The following MACROD2 variants were observed in gnomAD, a reference collection of about 807,000 sequenced individuals.
The protein encoded by MACROD2 is mono-ADP ribosylhydrolase 2.
Under a neutral mutation model 70.4 loss-of-function variants are expected in MACROD2, and 36 were observed. The ratio of observed to expected loss-of-function variants is 0.51; its 90% CI spans 0.39 to 0.68. The LOEUF is 0.68. MACROD2 is among the 30% of genes least tolerant of loss of function. MACROD2 has a pLI of 0.00. For synonymous variants in MACROD2, 172 were observed against 178.8 expected (o/e 0.96, Z 0.30); for missense variants, 496 against 538.4 (o/e 0.92, Z 0.78).
intron 4 of MACROD2, among the ~76,000 whole-genome samples, chr20:14,574,138 G>T (rs1427995472): frequency 6.6e-6 from 1 of 152,166 alleles, no homozygotes; most frequent in Non-Finnish European, 1.5e-5. Context: ...TGGTGGTCAG[G>T]TGCCAGGTCT....
At chr20:15,756,602 G>A (rs2146990019) in intron 8 of MACROD2, among the ~76,000 whole-genome samples, 1 of 152,220 alleles carries the variant, frequency 6.6e-6, no homozygotes, top group South Asian at 2.1e-4. Flanking sequence ...ATAAAATGGG[G>A]GTGGGTAGGT....
chr20:15,886,747 A>G (rs1473730421), intron 10 of MACROD2, among the ~76,000 whole-genome samples: 6 of 152,096 alleles, frequency 3.9e-5, no homozygotes, highest in Non-Finnish European at 8.8e-5. Flanking sequence ...AGCTCTATCA[A>G]TTATTGACCT....
At chr20:14,958,219 A>G (rs1337801734) in intron 5 of MACROD2, among the ~76,000 whole-genome samples, 1 of 152,190 alleles carries the variant, frequency 6.6e-6, no homozygotes, top group Non-Finnish European at 1.5e-5. Flanking sequence ...CAACAAATTT[A>G]TGTGGTATTA....
chr20:14,659,384 A>G (rs1050725269), intron 4 of MACROD2, among the ~76,000 whole-genome samples: 1 of 152,158 alleles, frequency 6.6e-6, no homozygotes, highest in African/African-American at 2.4e-5. Context: ...GTCTTGTAGC[A>G]ATATAATAAT....
intron 5 of MACROD2, among the ~76,000 whole-genome samples, chr20:14,715,822 G>A (rs1483609417): frequency 6.6e-6 from 1 of 152,116 alleles, no homozygotes; most frequent in Non-Finnish European, 1.5e-5. Flanking sequence ...ATTACATTTG[G>A]GAGTCATACA....
chr20:14,344,822 T>C (rs1223458721), intron 3 of MACROD2, among the ~76,000 whole-genome samples: 2 of 152,262 alleles, frequency 1.3e-5, no homozygotes, highest in Non-Finnish European at 2.9e-5. Context: ...AGGAGCTTTT[T>C]GGTTGTTTAA....
intron 2 of MACROD2, among the ~76,000 whole-genome samples, chr20:14,081,119 C>A (rs1422719024): frequency 6.6e-6 from 1 of 152,184 alleles, no homozygotes; most frequent in Non-Finnish European, 1.5e-5. Context: ...AAATCTCTTA[C>A]CCTTGATATC....
intron 8 of MACROD2, among the ~76,000 whole-genome samples, chr20:15,538,154 A>T (rs1190437079): frequency 6.6e-6 from 1 of 152,242 alleles, no homozygotes; most frequent in Non-Finnish European, 1.5e-5. Context: ...AAGGAAAAAG[A>T]AAAACAACTT....
intron 15 of MACROD2, among the ~76,000 whole-genome samples, chr20:16,021,391 G>A (rs1482063384): frequency 1.3e-5 from 2 of 152,194 alleles, no homozygotes; most frequent in Non-Finnish European, 2.9e-5. Flanking sequence ...GGCTCACTGA[G>A]GAATAAGACA....
At chr20:15,575,178 A>G (rs549229033) in intron 8 of MACROD2, among the ~76,000 whole-genome samples, 3 of 152,244 alleles carry the variant, frequency 2.0e-5, no homozygotes, top group South Asian at 2.1e-4. Flanking sequence ...TTGTTTTGTT[A>G]TATTTTTTTC....
chr20:14,195,459 C>T (rs1041006018), intron 3 of MACROD2, among the ~76,000 whole-genome samples: 2 of 151,998 alleles, frequency 1.3e-5, no homozygotes, highest in Admixed American at 6.6e-5. Context: ...GCTAGGGCTC[C>T]GCCTCCAGGC....
intron 6 of MACROD2, among the ~76,000 whole-genome samples, chr20:15,295,990 T>C (rs1036046187): frequency 2.6e-5 from 4 of 152,138 alleles, no homozygotes; most frequent in Non-Finnish European, 4.4e-5. Flanking sequence ...TCCTATAAAA[T>C]CCCCAGCAAG....
At chr20:15,879,843 G>C (rs1472956639) in intron 9 of MACROD2, among the ~76,000 whole-genome samples, 1 of 152,078 alleles carries the variant, frequency 6.6e-6, no homozygotes, top group African/African-American at 2.4e-5. Flanking sequence ...TCAAAGGCCT[G>C]AGAACCAATG....
intron 8 of MACROD2, among the ~76,000 whole-genome samples, chr20:15,567,000 CT>C (rs907872792): frequency 5.9e-5 from 9 of 151,452 alleles, no homozygotes; most frequent in African/African-American, 1.7e-4. Context: ...AAAGCCAGAT[CT>C]TTTTTTTAAT....
chr20:14,315,857 G>T (rs1360132215), intron 3 of MACROD2, among the ~76,000 whole-genome samples: 1 of 152,106 alleles, frequency 6.6e-6, no homozygotes, highest in African/African-American at 2.4e-5. Flanking sequence ...ATGATATATT[G>T]GCTAAAAGCA....
intron 5 of MACROD2, among the ~76,000 whole-genome samples, chr20:14,856,156 A>G (rs2073253675): frequency 6.6e-6 from 1 of 152,150 alleles, no homozygotes; most frequent in Non-Finnish European, 1.5e-5. Flanking sequence ...AAATTCAGCA[A>G]CCTAATCATG....
At chr20:15,040,949 T>C (rs975954812) in intron 5 of MACROD2, among the ~76,000 whole-genome samples, 1 of 152,242 alleles carries the variant, frequency 6.6e-6, no homozygotes, top group African/African-American at 2.4e-5. Context: ...GTATTAATGA[T>C]TGATTGAAGC....
chr20:15,417,222 A>C (rs2046164727), intron 6 of MACROD2, among the ~76,000 whole-genome samples: 1 of 152,172 alleles, frequency 6.6e-6, no homozygotes, highest in Non-Finnish European at 1.5e-5. Context: ...AGTCTGGGCT[A>C]CAATTATCTG....
At chr20:15,206,747 T>TTTTTTTTTTTTTTTTTTTTTATGTGG in intron 5 of MACROD2, among the ~76,000 whole-genome samples, 1 of 114,970 alleles carries the variant, frequency 8.7e-6, no homozygotes, top group African/African-American at 3.3e-5. Context: ...TTTTTTTTTT[T>TTTTTTTTTTTTTTTTTTTTTATGTGG]GAGACGGAGT....
Sources: allele counts gnomAD v4.1 joint callset (sites outside exome capture counted in the v4.1 genomes callset), GRCh38; gene constraint gnomAD v4.1.1; transcripts MANE v1.5; gene names NCBI Gene and HGNC (gene_info 2026-07-23, HGNC 2026-07-21).